PALM2AKAP2: variants seen among roughly 807,000 people sequenced by gnomAD.
The protein encoded by PALM2AKAP2 is PALM2 and AKAP2 fusion.
PALM2AKAP2 carries 37 observed loss-of-function variants against 71.5 expected under a neutral mutation model. That is an observed-to-expected ratio of 0.52 (90% CI 0.40 to 0.68). PALM2AKAP2 has a LOEUF of 0.68. Ranked by LOEUF, PALM2AKAP2 falls within the 30% of genes least tolerant of loss-of-function variation. The pLI is 0.00. For synonymous variants in PALM2AKAP2, 468 were observed against 478.8 expected, an observed-to-expected ratio of 0.98 and a Z score of 0.29; for missense variants, 1,224 against 1,191.8, an observed-to-expected ratio of 1.03 and a Z score of -0.40.
At chr9:109,641,935 G>C (rs1827075540) in intron 1 of PALM2AKAP2, among the ~76,000 whole-genome samples, 1 of 152,204 alleles carries the variant, frequency 6.6e-6, no homozygotes, top group African/African-American at 2.4e-5. Context: ...AGATGGTGTA[G>C]CATTGTAGGA....
At chr9:109,765,154 G>A (rs1452644539) in intron 1 of PALM2AKAP2, among the ~76,000 whole-genome samples, 2 of 152,146 alleles carry the variant, frequency 1.3e-5, no homozygotes, top group African/African-American at 4.8e-5. Flanking sequence ...GATTTACCTG[G>A]TCCATAAGTT....
chr9:109,833,556 G>A (rs1022648026), intron 1 of PALM2AKAP2, among the ~76,000 whole-genome samples: 2 of 152,102 alleles, frequency 1.3e-5, no homozygotes, highest in Non-Finnish European at 2.9e-5. Context: ...CCAGCTTCTG[G>A]TCTGTGGGCT....
rs1417514887 is a variant in PALM2AKAP2, at chr9:109,794,438, G to A, written c.45+13905G>A. The stretch of plus-strand genomic sequence containing the variant: ...TTTTTTTGCTCCCTGGATTTTGCCT[G>A]AACCCTCACTTTTCTCTTTCAGGGA... On this transcript the variant is annotated intron_variant, in intron 1 of 9. Transcript: ENST00000302798. Among the ~76,000 whole-genome samples, 6 of 142,642 alleles carry A rather than the reference G, an allele frequency of 4.2e-5. No homozygotes were observed. In the East Asian group the frequency reaches 1.2e-3, roughly 29 times the overall value. 93.6% of individuals were successfully genotyped at this position (142,642 alleles called of 152,430 possible).
At chr9:109,999,172 C>G (rs1471429766) in intron 6 of PALM2AKAP2, among the ~76,000 whole-genome samples, 1 of 151,938 alleles carries the variant, frequency 6.6e-6, no homozygotes. Context: ...AATCCCGTCT[C>G]TACTAAAAAT....
chr9:110,036,620 C>G (rs1833416092), intron 7 of PALM2AKAP2, among the ~76,000 whole-genome samples: 2 of 152,132 alleles, frequency 1.3e-5, no homozygotes, highest in Non-Finnish European at 2.9e-5. Flanking sequence ...AAAATCTAAA[C>G]CAAATCAAGT....
intron 6 of PALM2AKAP2, among the ~76,000 whole-genome samples, chr9:109,984,400 A>G (rs1401775998): frequency 2.0e-5 from 3 of 152,102 alleles, no homozygotes. Flanking sequence ...ACTCTTGCCT[A>G]TAATCCCAGT....
chr9:110,115,716 G>A (rs1002243301), intron 1 of PALM2AKAP2, among the ~76,000 whole-genome samples: 2 of 151,672 alleles, frequency 1.3e-5, no homozygotes, highest in Admixed American at 6.6e-5. Context: ...TTCCCAGAGT[G>A]GGTGGCAATT....
exon 1 of PALM2AKAP2, chr9:110,048,805 T>G: frequency 1.3e-6 from 2 of 1,533,948 alleles, no homozygotes; most frequent in Non-Finnish European, 1.7e-6. Context: ...CGCGCGGCGC[T>G]GGACTGGAGC....
rs1257796779 is a variant in PALM2AKAP2 at position 110,032,305 on chromosome 9, T to C, written c.582+16266T>C. Among the ~76,000 whole-genome samples, 5 of 152,284 alleles carry C rather than the reference T, an allele frequency of 3.3e-5. No homozygotes were observed. The East Asian group carries it at 7.7e-4, about 23-fold the overall frequency. ...CAAGCATGGTGGCTTACACCTATGA[T>C]TGTAGCACTTTGGGAGGCTGAGGCA... On this transcript the variant is annotated intron_variant, in intron 7 of 9. Transcript: ENST00000302798.
At chr9:109,748,994 T>A (rs1828846021) in intron 1 of PALM2AKAP2, among the ~76,000 whole-genome samples, 1 of 152,208 alleles carries the variant, frequency 6.6e-6, no homozygotes, top group Non-Finnish European at 1.5e-5. Context: ...TTTAAAGACC[T>A]TATCTCCAAA....
intron 1 of PALM2AKAP2, among the ~76,000 whole-genome samples, chr9:109,859,968 A>G (rs1411754878): frequency 2.6e-5 from 4 of 152,266 alleles, no homozygotes; most frequent in Non-Finnish European, 5.9e-5. Context: ...TGGACACTGC[A>G]GGGGTCTTAG....
At chr9:109,721,855 G>T (rs732645) in intron 1 of PALM2AKAP2, among the ~76,000 whole-genome samples, 47,257 of 152,052 alleles carry the variant, frequency 0.31, 7,932 homozygotes, top group African/African-American at 0.44. Context: ...AGTAACCTTA[G>T]ACTCCTTCCT....
At chr9:109,992,715 G>A (rs997705179) in intron 6 of PALM2AKAP2, among the ~76,000 whole-genome samples, 7 of 152,090 alleles carry the variant, frequency 4.6e-5, no homozygotes, top group African/African-American at 9.7e-5. Flanking sequence ...TTGAAGAGGT[G>A]TAAGCGCTAA....
intron 7 of PALM2AKAP2, among the ~76,000 whole-genome samples, chr9:110,016,350 T>C (rs952852744): frequency 2.0e-5 from 3 of 152,212 alleles, no homozygotes; most frequent in Non-Finnish European, 4.4e-5. Flanking sequence ...AGTGAATATC[T>C]ACACGTAAGC....
chr9:109,741,040 AG>A (rs1286109013), intron 1 of PALM2AKAP2, among the ~76,000 whole-genome samples: 1 of 152,188 alleles, frequency 6.6e-6, no homozygotes, highest in Non-Finnish European at 1.5e-5. Context: ...TTTGTTTTGA[AG>A]GTATCTGGCA....
intron 1 of PALM2AKAP2, among the ~76,000 whole-genome samples, chr9:109,720,804 C>G (rs1828393968): frequency 6.6e-6 from 1 of 152,238 alleles, no homozygotes; most frequent in South Asian, 2.1e-4. Flanking sequence ...CTCATTCACT[C>G]ATTCACAGTG....
chr9:109,963,851 G>A (rs939948953), intron 6 of PALM2AKAP2, among the ~76,000 whole-genome samples: 1 of 152,226 alleles, frequency 6.6e-6, no homozygotes, highest in African/African-American at 2.4e-5. Context: ...TGCCTTGAAG[G>A]TAGCGTATGT....
At chr9:109,696,576 A>G (rs765229038) in intron 1 of PALM2AKAP2, among the ~76,000 whole-genome samples, 2 of 152,210 alleles carry the variant, frequency 1.3e-5, no homozygotes, top group Non-Finnish European at 2.9e-5. Context: ...TTTCGCTTCT[A>G]GTCATTGATC....
intron 7 of PALM2AKAP2, among the ~76,000 whole-genome samples, chr9:110,024,721 G>A (rs1588064588): frequency 6.6e-6 from 1 of 151,644 alleles, no homozygotes; most frequent in East Asian, 1.9e-4. Flanking sequence ...GAGGTAGAGA[G>A]TGCAGTGAGC....
Sources: allele counts gnomAD v4.1 joint callset (sites outside exome capture counted in the v4.1 genomes callset), GRCh38; gene constraint gnomAD v4.1.1; transcripts MANE v1.5; gene names NCBI Gene and HGNC (gene_info 2026-07-23, HGNC 2026-07-21).